The following ARL10 variants were observed in gnomAD, a reference collection of about 807,000 sequenced individuals.
ARL10 encodes the protein ADP-ribosylation factor-like protein 10.
Under a neutral mutation model 26.1 loss-of-function variants are expected in ARL10, and 23 were observed. The ratio of observed to expected loss-of-function variants is 0.88; its 90% CI spans 0.63 to 1.25. The LOEUF (loss-of-function observed/expected upper bound fraction) is 1.25. Among genes scored for constraint, ARL10 ranks in the 50% most tolerant of loss-of-function variants. The probability of loss-of-function intolerance (pLI) is 0.00; values close to 1 mark genes in which losing one functional copy is unlikely to be tolerated. For synonymous variants in ARL10, 138 were observed against 149.1 expected, an observed-to-expected ratio of 0.93 and a Z score of 0.54; for missense variants, 300 against 323.6, an observed-to-expected ratio of 0.93 and a Z score of 0.56.
At chr5:176,371,203 C>T (rs904372679) in intron 3 of ARL10, among the ~76,000 whole-genome samples, 34 of 152,048 alleles carry the variant, frequency 2.2e-4, no homozygotes, top group East Asian at 1.2e-3. Context: ...GGCGAAACCC[C>T]GTCTCTACTA....
downstream of ARL10, among the ~76,000 whole-genome samples, chr5:176,393,365 T>C (rs1756344109): frequency 6.6e-6 from 1 of 152,178 alleles, no homozygotes; most frequent in South Asian, 2.1e-4. This position sits in a 1 kb window ranked among gnomAD's most constrained non-coding sequence, Gnocchi z 4.4. Context: ...TATTTCACCA[T>C]TTCCAAAAAC....
intron 1 of ARL10, among the ~76,000 whole-genome samples, chr5:176,396,156 C>T (rs1462297432): frequency 2.0e-5 from 3 of 152,124 alleles, no homozygotes; most frequent in Admixed American, 1.3e-4. Context: ...AAACCCTTCA[C>T]CCCACACACC....
chr5:176,412,955 C>T, the ARL10 span, among the ~76,000 whole-genome samples: 1 of 152,128 alleles, frequency 6.6e-6, no homozygotes, highest in African/African-American at 2.4e-5. Context: ...TTTGCACCAC[C>T]CTACTCCGCC....
intron 1 of ARL10, among the ~76,000 whole-genome samples, chr5:176,400,286 T>C (rs78933493): frequency 0.033 from 5,082 of 152,224 alleles, 278 homozygotes; most frequent in African/African-American, 0.12. Flanking sequence ...ACTATAATAT[T>C]TGTGAGATAT....
At chr5:176,390,415 G>A (rs2113611188), downstream of ARL10, among the ~76,000 whole-genome samples, 1 of 152,094 alleles carries the variant, frequency 6.6e-6, no homozygotes. Context: ...AGTCTATGGG[G>A]CTCCACTGAT....
At chr5:176,414,740 C>A in the ARL10 span, among the ~76,000 whole-genome samples, 10 of 152,168 alleles carry the variant, frequency 6.6e-5, no homozygotes, top group Non-Finnish European at 1.3e-4. Context: ...CTGTGTGACT[C>A]TGGGCAAGAT....
At chr5:176,385,260 A>T, downstream of ARL10, 2 of 1,613,304 alleles carry the variant, frequency 1.2e-6, no homozygotes, top group Non-Finnish European at 1.7e-6. Flanking sequence ...TGTAGCGTAC[A>T]TAGTCAATGA....
chr5:176,368,169 C>A lies in ARL10; in HGVS notation c.386-638C>A. 1 of 398,620 alleles carries A rather than the reference C, an allele frequency of 2.5e-6. No homozygotes were observed. Among genetic ancestry groups the A allele is most frequent in the Non-Finnish European group, 4.9e-6 (1 of 203,880 alleles). The allele number at this position is 398,620 out of a possible 1,614,324, so 24.7% of individuals were successfully genotyped here. On this transcript the variant is annotated intron_variant, in intron 2 of 3. Transcript: ENST00000310389. This position sits in a 1 kb window ranked among gnomAD's most constrained non-coding sequence, Gnocchi z 4.1. ...GAGCAGAGAGGAAAAGAAAGGTGATCCAGGCTGGGGGACTGTGTTGGCAAC... is the reference window on the plus strand; with the variant it reads ...GAGCAGAGAGGAAAAGAAAGGTGATACAGGCTGGGGGACTGTGTTGGCAAC...
At chr5:176,407,935 C>G in the ARL10 span, among the ~76,000 whole-genome samples, 1 of 152,180 alleles carries the variant, frequency 6.6e-6, no homozygotes, top group African/African-American at 2.4e-5. Flanking sequence ...TTTACTCCCC[C>G]AGAGGATTCA....
downstream of ARL10, chr5:176,388,711 T>A (rs569953100): frequency 8.1e-6 from 12 of 1,478,604 alleles, no homozygotes; most frequent in Non-Finnish European, 1.8e-6. Flanking sequence ...CAACGAGCAT[T>A]TGCGCCTGCG....
chr5:176,395,691 C>G (rs1581423651), intron 1 of ARL10, among the ~76,000 whole-genome samples: 1 of 152,070 alleles, frequency 6.6e-6, no homozygotes, highest in East Asian at 1.9e-4. Context: ...AAACCTGAAA[C>G]ATGTGAGGGG....
intron 1 of ARL10, among the ~76,000 whole-genome samples, chr5:176,394,311 G>A (rs77618354): frequency 0.039 from 5,868 of 152,210 alleles, 374 homozygotes; most frequent in African/African-American, 0.13. Flanking sequence ...AGACCCTTGG[G>A]CCTCCCCACC....
At chr5:176,384,083 A>G (rs759855604), downstream of ARL10, 6 of 1,596,256 alleles carry the variant, frequency 3.8e-6, no homozygotes, top group African/African-American at 8.1e-5. Context: ...CAGAGCGGGG[A>G]GTGTGCACGT....
intron 1 of ARL10, chr5:176,396,489 T>C: frequency 6.2e-7 from 1 of 1,613,882 alleles, no homozygotes; most frequent in Non-Finnish European, 8.5e-7. Context: ...ACGTAGCCGA[T>C]GATATCAGCA....
chr5:176,398,805 T>C (rs1756674482), intron 1 of ARL10, among the ~76,000 whole-genome samples: 1 of 152,108 alleles, frequency 6.6e-6, no homozygotes, highest in Non-Finnish European at 1.5e-5. Context: ...TCTATTGTGG[T>C]TGTATTAACT....
At chr5:176,385,099 G>T, downstream of ARL10, 1 of 728,264 alleles carries the variant, frequency 1.4e-6, no homozygotes, top group South Asian at 1.4e-5. Flanking sequence ...CCATTTCCTA[G>T]AGTCTCTTTT....
intron 1 of ARL10, among the ~76,000 whole-genome samples, chr5:176,398,483 G>A (rs1484556335): frequency 1.3e-5 from 2 of 152,070 alleles, no homozygotes; most frequent in African/African-American, 4.8e-5. Context: ...AGGCCGAGGC[G>A]GCAAATCACC....
the ARL10 span, among the ~76,000 whole-genome samples, chr5:176,408,065 A>G: frequency 1.3e-5 from 2 of 152,060 alleles, no homozygotes; most frequent in Non-Finnish European, 2.9e-5. Flanking sequence ...TAGCCCCACC[A>G]GGCATCTGGC....
intron 2 of ARL10, among the ~76,000 whole-genome samples, chr5:176,367,459 G>C (rs902148348): frequency 2.0e-5 from 3 of 152,070 alleles, no homozygotes; most frequent in African/African-American, 7.2e-5. Context: ...TGGTCTTCCT[G>C]CTTCCCCTTC....
Sources: gnomAD v4.1 joint callset for allele counts (sites outside exome capture counted in the v4.1 genomes callset) on GRCh38, gnomAD v4.1.1 for gene constraint, Gnocchi (gnomAD v3.1) non-coding constraint, MANE v1.5 for transcripts, NCBI Gene and HGNC (gene_info 2026-07-23, HGNC 2026-07-21) for gene names.